The following IL17RC variants were observed in gnomAD, a reference collection of about 807,000 sequenced individuals.
IL17RC encodes the protein interleukin 17 receptor C, also known as interleukin-17 receptor C.
In IL17RC, 53 loss-of-function variants were observed where a neutral mutation model predicts 86.7. The observed-to-expected ratio is 0.61, with a 90% CI of 0.49 to 0.77. The LOEUF is 0.77. IL17RC is among the 30% of genes least tolerant of loss of function. IL17RC has a pLI of 0.00. For missense variants in IL17RC, 957 were observed against 940.0 expected (o/e 1.02, Z -0.24); for synonymous variants, 439 against 413.1 (o/e 1.06, Z -0.76).
chr3:9,926,608 G>A (rs780424223), intron 9 of IL17RC, among the ~76,000 whole-genome samples: 1 of 150,154 alleles, frequency 6.7e-6, no homozygotes, highest in Non-Finnish European at 1.5e-5. Context: ...GTTTTTTTGT[G>A]TTTTTGTTTT....
rs2084275115 is a variant in IL17RC at position 9,928,153 on chromosome 3, A to G, written c.823-13A>G. 3 of 1,613,684 alleles carry G rather than the reference A, an allele frequency of 1.9e-6. No homozygotes were observed. Among genetic ancestry groups the G allele is most frequent in the Non-Finnish European group, 2.5e-6 (3 of 1,179,872 alleles). ...ATGGAGGGGACCTGAGCAGACCCCC[A>G]TTTCCTTTCCAGGTGTGGCCTCTGG... On this transcript the variant is annotated splice_polypyrimidine_tract_variant and intron_variant, in intron 9 of 18. Transcript: ENST00000403601.
rs2083799707 is a variant in IL17RC at position 9,923,788 on chromosome 3, T to C, written c.623-93T>C. 7 of 1,398,250 alleles carry C rather than the reference T, an allele frequency of 5.0e-6. No homozygotes were observed. The East Asian group carries it at 1.6e-4, about 32-fold the overall frequency. 86.6% of individuals were successfully genotyped at this position (1,398,250 alleles called of 1,614,324 possible). ...GCTCTGCCCTCCGAGAGCCTCCCAGTCTAGGGGGTTTGAAGGAAACTCCAA... is the reference window on the plus strand; with the variant it reads ...GCTCTGCCCTCCGAGAGCCTCCCAGCCTAGGGGGTTTGAAGGAAACTCCAA... On this transcript the variant is annotated intron_variant, in intron 7 of 18. Transcript: ENST00000403601.
intron 16 of IL17RC, 98 bp from the exon 17 acceptor site, chr3:9,932,510 A>C (rs1575610309): frequency 8.9e-7 from 1 of 1,123,628 alleles, no homozygotes; most frequent in East Asian, 2.3e-5. Context: ...ATATAAAGGC[A>C]TGAGCCACCG....
Position 9,933,191 on chromosome 3 carries a change from G to T in IL17RC, c.1761G>T (p.Ala587=), listed in dbSNP as rs1479330309. Residue 587 remains alanine, a synonymous_variant, in exon 19 of 19, where the codon GCG becomes GCT. Transcript: ENST00000403601. ...VVLLFSPGAV[A]LCSEWLQDGV... ...TGCTCTTCTCTCCCGGTGCGGTGGC[G>T]CTGTGCAGCGAGTGGCTACAGGATG... is the stretch of plus-strand genomic sequence containing the variant. The T allele has an allele frequency of 2.5e-6, 4 of 1,607,896 alleles. No individual in the cohort carries two copies. Among genetic ancestry groups the T allele is most frequent in the Non-Finnish European group, 8.5e-7 (1 of 1,178,062 alleles).
chr3:9,920,628 C>G, intron 6 of IL17RC, 26 bp downstream of exon 6: 1 of 1,475,974 alleles, frequency 6.8e-7, no homozygotes, highest in Non-Finnish European at 9.4e-7. Context: ...AGTCCTGGCC[C>G]CCTAGCCTCT....
Position 9,917,393 on chromosome 3 carries a change from G to T in IL17RC, c.78G>T (p.Gly26=), listed in dbSNP as rs2083166487. 1.2e-6 allele frequency: 2 copies of T among 1,614,160 alleles called. No individual in the cohort carries two copies. Among genetic ancestry groups the T allele is most frequent in the Admixed American group, 1.7e-5 (1 of 60,024 alleles). Reference sequence around the variant, plus strand: ...TCCTTTCTCTGGAGAGGCTTGTGGGGCCTCAGGACGCTACCCACTGCTCTC... The same window carrying T: ...TCCTTTCTCTGGAGAGGCTTGTGGGTCCTCAGGACGCTACCCACTGCTCTC... ...PVVLSLERLV[G]PQDATHCSPG... Residue 26 remains glycine (G), a synonymous_variant, in exon 1 of 19, where the codon GGG becomes GGT. Transcript: ENST00000403601.
Position 9,930,446 on chromosome 3 carries a change from G to A in IL17RC, c.1325G>A (p.Gly442Asp), listed in dbSNP as rs1459326798. 1.2e-6 allele frequency: 2 copies of A among 1,614,018 alleles called. No homozygotes were observed. The highest frequency in any genetic ancestry group is 1.7e-6 in the Non-Finnish European group (2 of 1,179,982). Reference sequence around the variant, plus strand: ...TACTTACTACAAGACCTGCAGTCAGGCCAGTGTCTGCAGGTGAGCTGGTGG... The same window carrying A: ...TACTTACTACAAGACCTGCAGTCAGACCAGTGTCTGCAGGTGAGCTGGTGG... ...GEYLLQDLQS[G>D]QCLQLWDDDL... The change falls in exon 15 of 19, where the codon GGC (glycine) becomes GAC (aspartate). Residue 442 changes from glycine (G) to aspartate (D), a missense_variant. Physicochemically the swap from Gly to Asp is moderately conservative, Grantham distance 94. Coordinates refer to ENST00000403601, the MANE Select transcript of IL17RC (RefSeq NM_153460.4). This position sits in a 1 kb window ranked among gnomAD's most constrained non-coding sequence, Gnocchi z 5.8.
intron 9 of IL17RC, among the ~76,000 whole-genome samples, chr3:9,924,657 G>A (rs1305245297): frequency 6.6e-6 from 1 of 152,174 alleles, no homozygotes; most frequent in Non-Finnish European, 1.5e-5. Context: ...TGCTAGCTGT[G>A]TAACCTTGGG....
At chr3:9,918,303 T>A (rs1242017035) in intron 3 of IL17RC, 32 bp from the exon 4 acceptor site, 23 of 1,539,660 alleles carry the variant, frequency 1.5e-5, no homozygotes, top group Non-Finnish European at 1.7e-5. Context: ...GCAGGGGGCC[T>A]CACCCAGGGC....
Position 9,920,589 on chromosome 3 carries a change from A to G in IL17RC, c.564A>G (p.Thr188=), listed in dbSNP as rs1199212512. The G allele has an allele frequency of 6.2e-7, 1 of 1,602,610 alleles. No homozygotes were observed. The highest frequency in any genetic ancestry group is 8.5e-7 in the Non-Finnish European group (1 of 1,172,962). Residue 188 remains threonine, a synonymous_variant, in exon 6 of 19, where the codon ACA becomes ACG. Coordinates refer to ENST00000403601, the MANE Select transcript of IL17RC (RefSeq NM_153460.4). ...QPRYEKELNH[T]QQLPDCRGLE... ...GGTACGAGAAGGAACTCAACCACAC[A>G]CAGCAGCTGCCTGGTAAGTGGACCC...
At chr3:9,923,772 T>G (rs1272265503) in intron 7 of IL17RC, 109 bp from the exon 8 acceptor site, 10 of 1,247,068 alleles carry the variant, frequency 8.0e-6, no homozygotes, top group Non-Finnish European at 1.1e-5. Flanking sequence ...CGCTCTGCCC[T>G]CCGAGAGCCT....
At chr3:9,926,725 C>G (rs903318543) in intron 9 of IL17RC, among the ~76,000 whole-genome samples, 9 of 151,940 alleles carry the variant, frequency 5.9e-5, no homozygotes, top group African/African-American at 2.2e-4. Context: ...TGGATTCAAG[C>G]AATTCTTCTG....
Position 9,930,113 on chromosome 3 carries a change from C to T in IL17RC, c.1242C>T (p.Pro414=). 1 of 1,614,138 alleles carries T rather than the reference C, an allele frequency of 6.2e-7. No individual in the cohort carries two copies. Among genetic ancestry groups the T allele is most frequent in the Non-Finnish European group, 8.5e-7 (1 of 1,180,024 alleles). ...ACAGATCCCTCTGTGCCTTGGAACCCAGTGGCTGTACTTCACTACCCAGCA... is the reference window on the plus strand; with the variant it reads ...ACAGATCCCTCTGTGCCTTGGAACCTAGTGGCTGTACTTCACTACCCAGCA... ...QDNRSLCALE[P]SGCTSLPSKA... is the part of the protein sequence containing the mutation. Residue 414 remains proline (P), a synonymous_variant, in exon 14 of 19, where the codon CCC becomes CCT. Transcript: ENST00000403601. This position sits in a 1 kb window ranked among gnomAD's most constrained non-coding sequence, Gnocchi z 5.8.
In IL17RC at chr3:9,932,858, G is replaced by C. The variant is rs752284475; in HGVS notation, c.1522G>C (p.Ala508Pro). The C allele has an allele frequency of 4.4e-6, 7 of 1,573,532 alleles. No individual in the cohort carries two copies. The highest frequency in any genetic ancestry group is 6.0e-6 in the Non-Finnish European group (7 of 1,164,208). The change falls in exon 18 of 19, where the codon GCG (alanine) becomes CCG (proline). Residue 508 changes from alanine to proline, a missense_variant and splice_region_variant. Coordinates refer to ENST00000403601, the MANE Select transcript of IL17RC (RefSeq NM_153460.4). ...CTTGAAACAGGACGTCCGCTCGGGG[G>C]GTGAGTGGGAGCAAGCGCTGGGCGG... Reference protein sequence around the residue: ...RLLKQDVRSGAAARGRAALLL... With the variant: ...RLLKQDVRSGPAARGRAALLL...
At chr3:9,932,177 G>A (rs531475534) in intron 16 of IL17RC, among the ~76,000 whole-genome samples, 16 of 152,234 alleles carry the variant, frequency 1.1e-4, no homozygotes, top group African/African-American at 3.9e-4. Context: ...TCATCCACTG[G>A]CTCTGACACT....
intron 5 of IL17RC, among the ~76,000 whole-genome samples, chr3:9,919,550 G>T (rs1251565790): frequency 1.3e-5 from 2 of 152,092 alleles, no homozygotes; most frequent in Non-Finnish European, 2.9e-5. Flanking sequence ...GGAGGCAGAG[G>T]CAGGAGAATG....
chr3:9,918,679 T>C (rs1039973660), intron 5 of IL17RC, 70 bp downstream of exon 5: 18 of 1,029,728 alleles, frequency 1.7e-5, no homozygotes, highest in Non-Finnish European at 2.6e-5. Flanking sequence ...CATTATCTCT[T>C]TGAGGATTAC....
chr3:9,921,952 C>CTTTT lies in IL17RC; in HGVS notation c.622+1000_622+1003dup, dbSNP rs35608782. ...AGGGTACTGATTTCCATGTCCAGTT[C>CTTTT]TTTTTTTTTTTTTTTTTTTTGGCGG... On this transcript the variant is annotated intron_variant, in intron 7 of 18. Coordinates refer to ENST00000403601, the MANE Select transcript of IL17RC (RefSeq NM_153460.4). Among the ~76,000 whole-genome samples, 14 of 88,174 alleles carry CTTTT rather than the reference C, an allele frequency of 1.6e-4. 1 individual carries two copies. The highest frequency in any genetic ancestry group is 3.4e-4 in the African/African-American group (7 of 20,832). The allele number at this position is 88,174 out of a possible 152,430, so 57.8% of individuals were successfully genotyped here. A position where few individuals can be genotyped will look rare whatever the true frequency, so the allele number is the denominator to read the frequency against.
intron 9 of IL17RC, among the ~76,000 whole-genome samples, chr3:9,925,395 C>T (rs1418770143): frequency 2.6e-5 from 4 of 152,238 alleles, no homozygotes; most frequent in Non-Finnish European, 5.9e-5. Context: ...GGATTACAGG[C>T]ATGACCCACT....
Sources: allele counts gnomAD v4.1 joint callset (sites outside exome capture counted in the v4.1 genomes callset), GRCh38; gene constraint gnomAD v4.1.1; non-coding constraint Gnocchi (gnomAD v3.1); transcripts MANE v1.5; gene names NCBI Gene and HGNC (gene_info 2026-07-23, HGNC 2026-07-21).